C20orf96: variants seen among roughly 807,000 people sequenced by gnomAD.
C20orf96 encodes the protein chromosome 20 open reading frame 96.
C20orf96 carries 57 observed loss-of-function variants against 52.6 expected under a neutral mutation model. That is an observed-to-expected ratio of 1.08 (90% CI 0.88 to 1.35). C20orf96 has a LOEUF of 1.35. C20orf96 is among the 40% of genes most tolerant of loss of function. The pLI is 0.00. For synonymous variants in C20orf96, 168 were observed against 157.2 expected (o/e 1.07, Z -0.51); for missense variants, 478 against 443.6 (o/e 1.08, Z -0.70).
chr20:278,143 G>C (rs978714945), intron 6 of C20orf96, among the ~76,000 whole-genome samples, 187 bp downstream of exon 6: 3 of 152,222 alleles, frequency 2.0e-5, no homozygotes, highest in Admixed American at 6.5e-5. Context: ...ACCCAGATAC[G>C]GGGCCTGGAA....
chr20:277,840 C>T (rs2012080976), intron 6 of C20orf96, among the ~76,000 whole-genome samples: 1 of 152,088 alleles, frequency 6.6e-6, no homozygotes, highest in Admixed American at 6.6e-5. Flanking sequence ...GATCCACCAC[C>T]CCTCTGCTCA....
At chr20:271,470 ACACACACACAT>A (rs1285445840) in intron 10 of C20orf96, among the ~76,000 whole-genome samples, 24 of 151,800 alleles carry the variant, frequency 1.6e-4, no homozygotes, top group Non-Finnish European at 3.4e-4. Context: ...ACACACACAC[ACACACACACAT>A]ACACACACAT....
At chr20:286,882 C>T (rs1447154079) in intron 3 of C20orf96, among the ~76,000 whole-genome samples, 3 of 152,176 alleles carry the variant, frequency 2.0e-5, no homozygotes, top group Non-Finnish European at 4.4e-5. Flanking sequence ...TTTTGTGATC[C>T]CCAGAAGGTT....
Position 271,136 on chromosome 20 carries a change from G to T in C20orf96, c.*71C>A. On this transcript the variant is annotated 3_prime_UTR_variant, in exon 11 of 11. Transcript: ENST00000360321. ...GGGTCTGAATGGAGATCCGGTCCTG[G>T]AAGTAAATGATCCAAGGCTCCAGGT... 7.7e-7 allele frequency: 1 copy of T among 1,303,504 alleles called. No homozygotes were observed. Among genetic ancestry groups the T allele is most frequent in the Non-Finnish European group, 1.1e-6 (1 of 922,300 alleles). 80.7% of individuals were successfully genotyped at this position (1,303,504 alleles called of 1,614,324 possible). A position where few individuals can be genotyped will look rare whatever the true frequency, so the allele number is the denominator to read the frequency against.
intron 10 of C20orf96, among the ~76,000 whole-genome samples, chr20:274,011 AG>A (rs1316096706): frequency 1.7e-5 from 2 of 116,662 alleles, no homozygotes; most frequent in African/African-American, 6.6e-5. Flanking sequence ...AGAAAGAAAA[AG>A]AAAAGAGAGA....
chr20:289,319 C>T (rs1395151956), intron 3 of C20orf96, among the ~76,000 whole-genome samples: 1 of 152,172 alleles, frequency 6.6e-6, no homozygotes, highest in Non-Finnish European at 1.5e-5. Flanking sequence ...ATCAGACCCA[C>T]AAGGTCAAAG....
intron 3 of C20orf96, among the ~76,000 whole-genome samples, chr20:284,707 A>C (rs1022955150): frequency 2.6e-5 from 4 of 152,078 alleles, no homozygotes; most frequent in Admixed American, 2.0e-4. Flanking sequence ...AATACAAAAA[A>C]TGAGATGGAC....
intron 6 of C20orf96, 104 bp downstream of exon 6, chr20:278,226 T>C: frequency 1.2e-6 from 1 of 851,448 alleles, no homozygotes; most frequent in East Asian, 2.4e-5. Context: ...AGAGAGCCAA[T>C]GGGGCTGAGG....
intron 9 of C20orf96, chr20:276,368 C>A (rs2012024140): frequency 1.0e-6 from 1 of 985,102 alleles, no homozygotes; most frequent in South Asian, 4.7e-5. Flanking sequence ...TGAATGGAGG[C>A]TGGCAGAGAT....
intron 3 of C20orf96, among the ~76,000 whole-genome samples, chr20:286,171 A>T (rs1377669696): frequency 6.6e-6 from 1 of 152,164 alleles, no homozygotes; most frequent in Admixed American, 6.5e-5. Flanking sequence ...ATCTTTTTTT[A>T]AATTAAATCT....
intron 10 of C20orf96, among the ~76,000 whole-genome samples, chr20:274,698 C>G (rs2122234121): frequency 6.6e-6 from 1 of 152,264 alleles, no homozygotes; most frequent in Non-Finnish European, 1.5e-5. Context: ...GTCTCTTTCA[C>G]CTAGTGAATT....
chr20:290,568 T>TC, intron 1 of C20orf96, 23 bp downstream of exon 1: 1 of 1,517,208 alleles, frequency 6.6e-7, no homozygotes, highest in Non-Finnish European at 8.8e-7. Context: ...TTCCAATTTT[T>TC]TTTTTTTTTT....
In C20orf96 at chr20:273,103, C is replaced by T. The variant is rs118046610; in HGVS notation, c.1032-1836G>A. 1.1e-3 allele frequency among the ~76,000 whole-genome samples: 165 copies of T among 152,184 alleles called. 1 individual carries two copies. The East Asian group carries it at 0.025, about 23-fold the overall frequency. ...AATCCTCCTGCCTTAGCCTTCACTGCAGCTGGGACTACAGGCGCACGCCAC... is the reference window on the plus strand; with the variant it reads ...AATCCTCCTGCCTTAGCCTTCACTGTAGCTGGGACTACAGGCGCACGCCAC... On this transcript the variant is annotated intron_variant, in intron 10 of 10. Transcript: ENST00000360321.
intron 4 of C20orf96, 141 bp from the exon 5 acceptor site, chr20:279,471 G>A: frequency 1.0e-6 from 1 of 962,080 alleles, no homozygotes; most frequent in Non-Finnish European, 1.4e-6. Context: ...GCCCAAGCTG[G>A]GCGGTTCCCC....
intron 3 of C20orf96, among the ~76,000 whole-genome samples, chr20:286,884 CAGA>C (rs1337339626): frequency 6.6e-6 from 1 of 152,208 alleles, no homozygotes; most frequent in Non-Finnish European, 1.5e-5. Context: ...TTGTGATCCC[CAGA>C]AGGTTATATA....
Position 279,114 on chromosome 20 carries a change from G to C in C20orf96, c.465+58C>G, listed in dbSNP as rs531754003. 1.1e-4 allele frequency: 118 copies of C among 1,071,506 alleles called. 4 individuals carry two copies. The highest frequency in any genetic ancestry group is 2.8e-4 in the South Asian group (15 of 53,670). The allele number at this position is 1,071,506 out of a possible 1,614,324, so 66.4% of individuals were successfully genotyped here. On this transcript the variant is annotated intron_variant, in intron 5 of 10. Coordinates refer to ENST00000360321, the MANE Select transcript of C20orf96 (RefSeq NM_153269.3). ...CGGGACGGAGGGACGGAGGGAGGGA[G>C]GGAGGGACGGAGGTTGGGACGGAGG...
intron 3 of C20orf96, among the ~76,000 whole-genome samples, chr20:285,992 T>C (rs1241405455): frequency 1.3e-5 from 2 of 152,332 alleles, no homozygotes; most frequent in East Asian, 3.9e-4. Context: ...CGTTAAAATT[T>C]AAGATGTGGC....
In C20orf96 at chr20:279,299, C is replaced by T. The variant is rs140397500; in HGVS notation, c.338G>A (p.Arg113Gln). 5.6e-6 allele frequency: 9 copies of T among 1,607,544 alleles called. No individual in the cohort carries two copies. Among genetic ancestry groups the T allele is most frequent in the Non-Finnish European group, 7.6e-6 (9 of 1,178,844 alleles). Residue 113 changes from arginine (R) to glutamine (Q), a missense_variant, in exon 5 of 11, where the codon CGA becomes CAA. Arg to Gln is a conservative substitution (Grantham distance 43). Transcript: ENST00000360321. Reference protein sequence around the residue: ...TSLRSGRAALRELRSRENFLS... With the variant: ...TSLRSGRAALQELRSRENFLS... Reference sequence around the variant, plus strand: ...GAAGTTCTCACGGCTTCGGAGCTCTCGCAGAGCGGCCCTCCCGCTCCTGAG... The same window carrying T: ...GAAGTTCTCACGGCTTCGGAGCTCTTGCAGAGCGGCCCTCCCGCTCCTGAG...
rs2012505771 is a variant in C20orf96, at chr20:290,311, G to C, written c.21-4C>G. 6.2e-7 allele frequency: 1 copy of C among 1,612,686 alleles called. No individual in the cohort carries two copies. The highest frequency in any genetic ancestry group is 8.5e-7 in the Non-Finnish European group (1 of 1,179,380). On this transcript the variant is annotated splice_polypyrimidine_tract_variant and splice_region_variant and intron_variant, in intron 1 of 10. Transcript: ENST00000360321. ...GTGAGTCCCAGAGTGCTTGGGTCTG[G>C]AAAGAGTTGGGAAGGGAAAGAACTT...
Sources: gnomAD v4.1 joint callset for allele counts (sites outside exome capture counted in the v4.1 genomes callset) on GRCh38, gnomAD v4.1.1 for gene constraint, MANE v1.5 for transcripts, NCBI Gene and HGNC (gene_info 2026-07-23, HGNC 2026-07-21) for gene names.